Variants in GSE1 observed in about 807,000 individuals in gnomAD.
GSE1 encodes Gse1 coiled-coil protein, also known as genetic suppressor element 1.
GSE1 carries 32 observed loss-of-function variants against 112.6 expected under a neutral mutation model. That is an observed-to-expected ratio of 0.28 (90% confidence interval 0.21 to 0.38). The LOEUF is 0.38. Ranked by LOEUF, GSE1 falls within the 10% of genes least tolerant of loss-of-function variation. GSE1 has a pLI of 1.00. For missense variants in GSE1, 2,348 were observed against 1,699.2 expected, an observed-to-expected ratio of 1.38 and a Z score of -6.71; for synonymous variants, 1,115 against 735.6, an observed-to-expected ratio of 1.52 and a Z score of -8.35.
chr16:85,661,886 G>C (rs1411019788), intron 9 of GSE1, 121 bp downstream of exon 9: 2 of 983,112 alleles, frequency 2.0e-6, no homozygotes, highest in Non-Finnish European at 2.9e-6. Flanking sequence ...GGTAGTCCCA[G>C]GCCCCAGGTG....
chr16:85,403,105 G>A (rs1157805602), intron 2 of GSE1, among the ~76,000 whole-genome samples: 6 of 151,316 alleles, frequency 4.0e-5, no homozygotes, highest in African/African-American at 1.2e-4. Flanking sequence ...GGGGGACTCA[G>A]TTCCTCTGGG....
intron 2 of GSE1, among the ~76,000 whole-genome samples, chr16:85,527,068 C>G (rs1360068144): frequency 6.6e-6 from 1 of 152,238 alleles, no homozygotes; most frequent in Non-Finnish European, 1.5e-5. Context: ...GCGTTCACCT[C>G]TCCGGTCAGG....
chr16:85,321,505 A>C (rs1335826427), intron 1 of GSE1, among the ~76,000 whole-genome samples: 2 of 152,202 alleles, frequency 1.3e-5, no homozygotes, highest in Non-Finnish European at 2.9e-5. Flanking sequence ...ATGGTGACTC[A>C]CAACTGTAAC....
intron 1 of GSE1, among the ~76,000 whole-genome samples, chr16:85,260,277 G>A (rs1169558660): frequency 1.3e-5 from 2 of 151,442 alleles, no homozygotes; most frequent in Non-Finnish European, 2.9e-5. Context: ...CTCTTGTCAG[G>A]TGAAACATTT....
chr16:85,590,788 C>T (rs553744861), intron 1 of GSE1, among the ~76,000 whole-genome samples: 2 of 152,314 alleles, frequency 1.3e-5, no homozygotes, highest in Non-Finnish European at 2.9e-5. Flanking sequence ...CACGCTGCAC[C>T]ACCATTTGGC....
At chr16:85,641,500 C>T (rs376820537) in intron 2 of GSE1, among the ~76,000 whole-genome samples, 1 of 152,184 alleles carries the variant, frequency 6.6e-6, no homozygotes, top group Non-Finnish European at 1.5e-5. Context: ...GAGCCCTGCC[C>T]TGGGAGCCTT....
chr16:85,498,181 G>A (rs1167734508), intron 2 of GSE1, among the ~76,000 whole-genome samples: 1 of 152,136 alleles, frequency 6.6e-6, no homozygotes, highest in Non-Finnish European at 1.5e-5. Flanking sequence ...TCTGCAGGCT[G>A]CGATTCCTCT....
intron 2 of GSE1, among the ~76,000 whole-genome samples, chr16:85,479,109 C>T (rs1300730797): frequency 6.7e-6 from 1 of 149,616 alleles, no homozygotes; most frequent in African/African-American, 2.5e-5. Flanking sequence ...GCAAACTCTG[C>T]CTCCCGGGTT....
At chr16:85,398,814 T>C (rs1249113763) in intron 2 of GSE1, among the ~76,000 whole-genome samples, 2 of 152,076 alleles carry the variant, frequency 1.3e-5, no homozygotes, top group East Asian at 1.9e-4. Context: ...GCACAGAGAA[T>C]GTGTGTGGGT....
chr16:85,436,319 C>T (rs2049245362), intron 2 of GSE1, among the ~76,000 whole-genome samples: 1 of 152,172 alleles, frequency 6.6e-6, no homozygotes, highest in Non-Finnish European at 1.5e-5. Flanking sequence ...GGGAATTTGC[C>T]CAGAGAGCTC....
intron 1 of GSE1, among the ~76,000 whole-genome samples, chr16:85,624,596 C>T (rs868808003): frequency 9.8e-5 from 15 of 152,346 alleles, no homozygotes; most frequent in African/African-American, 3.1e-4. Context: ...TAAAGGGAAG[C>T]AGCCGGCACC....
At chr16:85,495,353 A>G (rs1350894803) in intron 2 of GSE1, among the ~76,000 whole-genome samples, 3 of 152,154 alleles carry the variant, frequency 2.0e-5, no homozygotes, top group African/African-American at 7.2e-5. Flanking sequence ...GAGCCCTGCT[A>G]GGTTGCTCAG....
chr16:85,251,680 C>T (rs893852079), intron 1 of GSE1, among the ~76,000 whole-genome samples: 34 of 152,236 alleles, frequency 2.2e-4, no homozygotes, highest in African/African-American at 8.0e-4. Flanking sequence ...TGCCCTCTTT[C>T]ACACGCAGGC....
chr16:85,396,238 C>T (rs572600352), intron 2 of GSE1, among the ~76,000 whole-genome samples: 9 of 152,352 alleles, frequency 5.9e-5, no homozygotes, highest in African/African-American at 1.7e-4. Flanking sequence ...GAGGATAACA[C>T]GCTGTCCTGC....
intron 2 of GSE1, among the ~76,000 whole-genome samples, chr16:85,523,332 C>T (rs1040557846): frequency 3.3e-5 from 5 of 152,160 alleles, no homozygotes; most frequent in Admixed American, 6.5e-5. Flanking sequence ...TGTGTGCGTG[C>T]GTGCATGGGG....
intron 1 of GSE1, among the ~76,000 whole-genome samples, chr16:85,617,137 C>G (rs1027012761): frequency 6.6e-6 from 1 of 152,232 alleles, no homozygotes; most frequent in Non-Finnish European, 1.5e-5. Flanking sequence ...CTCCAAAGCC[C>G]ACCTGTCACT....
At chr16:85,278,150 T>G (rs1211586436) in intron 1 of GSE1, among the ~76,000 whole-genome samples, 1 of 152,178 alleles carries the variant, frequency 6.6e-6, no homozygotes, top group East Asian at 1.9e-4. Context: ...CTGGCTGAAG[T>G]CCGGGGTCTG....
intron 2 of GSE1, among the ~76,000 whole-genome samples, chr16:85,496,123 C>T (rs528963530): frequency 2.0e-5 from 3 of 152,316 alleles, no homozygotes; most frequent in East Asian, 3.9e-4. Flanking sequence ...GGGTCTCCGG[C>T]TTCATTTCCC....
chr16:85,252,035 G>A (rs377759492), intron 1 of GSE1, among the ~76,000 whole-genome samples: 29 of 152,200 alleles, frequency 1.9e-4, no homozygotes, highest in African/African-American at 7.0e-4. Flanking sequence ...ATCGGCACAC[G>A]CTAATAGATG....
Sources: gnomAD v4.1 joint callset for allele counts (sites outside exome capture counted in the v4.1 genomes callset) on GRCh38, gnomAD v4.1.1 for gene constraint, MANE v1.5 for transcripts, NCBI Gene and HGNC (gene_info 2026-07-23, HGNC 2026-07-21) for gene names.